Variants in NFYA observed in about 807,000 individuals in gnomAD.
NFYA encodes the protein nuclear transcription factor Y subunit alpha.
A neutral mutation model predicts 52.8 loss-of-function variants in NFYA; 28 were observed. The observed-to-expected ratio is 0.53, with a 90% CI of 0.39 to 0.73. NFYA has a LOEUF of 0.73. Among genes scored for constraint, NFYA ranks in the 30% least tolerant of loss-of-function variants. The pLI is 0.00. For synonymous variants in NFYA, 150 were observed against 150.7 expected, an observed-to-expected ratio of 1.00 and a Z score of 0.03; for missense variants, 234 against 427.0, an observed-to-expected ratio of 0.55 and a Z score of 3.98.
At chr6:41,091,458 C>T in intron 6 of NFYA, 70 bp from the exon 7 acceptor site, 3 of 1,478,808 alleles carry the variant, frequency 2.0e-6, no homozygotes, top group South Asian at 2.5e-5. Flanking sequence ...AGAAGAGGGA[C>T]TAACTATGTT....
At position 41,094,379 on chromosome 6, in the gene NFYA, T is replaced by G. The variant is rs748069441; in HGVS notation, c.889-17T>G. On this transcript the variant is annotated splice_polypyrimidine_tract_variant and intron_variant, in intron 8 of 9. Coordinates refer to ENST00000341376, the MANE Select transcript of NFYA (RefSeq NM_002505.5). ...TGGATAGTATTAATAGTTAAATGGT[T>G]TTATTTCTCGTTTTAGAAATACCTG... 1 of 1,609,454 alleles carries G rather than the reference T, an allele frequency of 6.2e-7. No homozygotes were observed. The highest frequency in any genetic ancestry group is 8.5e-7 in the Non-Finnish European group (1 of 1,175,784).
intron 4 of NFYA, among the ~76,000 whole-genome samples, chr6:41,088,988 A>G (rs531459130): frequency 6.6e-6 from 1 of 151,736 alleles, no homozygotes; most frequent in South Asian, 2.1e-4. Flanking sequence ...AGTGTATTTT[A>G]TTTTTTTATT....
chr6:41,085,423 A>G (rs1284612628), intron 4 of NFYA, among the ~76,000 whole-genome samples: 1 of 152,222 alleles, frequency 6.6e-6, no homozygotes. Flanking sequence ...GTGGGTTAAT[A>G]TTGAAATATT....
chr6:41,082,134 TC>T (rs775937021), intron 3 of NFYA, among the ~76,000 whole-genome samples: 10 of 152,364 alleles, frequency 6.6e-5, no homozygotes, highest in Non-Finnish European at 1.5e-4. Flanking sequence ...CTGCTAAGCA[TC>T]CAGCAGATAA....
chr6:41,100,250 A>C lies in NFYA; in HGVS notation c.*2840A>C, dbSNP rs1764462623. The stretch of plus-strand genomic sequence containing the variant: ...GTGTTTATCAAAATGTGATGAAGTA[A>C]TTCCATGAGGAAAATTAGCCGTTAT... On this transcript the variant is annotated 3_prime_UTR_variant, in exon 10 of 10. Coordinates refer to ENST00000341376, the MANE Select transcript of NFYA (RefSeq NM_002505.5). Among the ~76,000 whole-genome samples the C allele has an allele frequency of 6.6e-6, 1 of 152,226 alleles. No homozygotes were observed. The highest frequency in any genetic ancestry group is 6.5e-5 in the Admixed American group (1 of 15,284).
intron 1 of NFYA, among the ~76,000 whole-genome samples, chr6:41,077,825 A>G (rs1763782856): frequency 6.6e-6 from 1 of 152,208 alleles, no homozygotes; most frequent in Non-Finnish European, 1.5e-5. Flanking sequence ...GCTTTGGAGA[A>G]CCATATGGCC....
At position 41,092,980 on chromosome 6, in the gene NFYA, A is replaced by G. The variant is rs768572965; in HGVS notation, c.783A>G (p.Glu261=). ...CTCTACCTGGAGCAGAGATGCTTGA[A>G]GAAGAGCCTCTCTACGTGAATGCCA... The part of the protein sequence containing the change: ...RIPLPGAEML[E]EEPLYVNAKQ... The change falls in exon 8 of 10, where the codon GAA becomes GAG. Residue 261 remains glutamate, a synonymous_variant. Coordinates refer to ENST00000341376, the MANE Select transcript of NFYA (RefSeq NM_002505.5). 3.1e-6 allele frequency: 5 copies of G among 1,614,130 alleles called. No homozygotes were observed. The South Asian group carries it at 5.5e-5, about 18-fold the overall frequency.
In NFYA at chr6:41,100,026, T is replaced by C. The variant is rs1436120296; in HGVS notation, c.*2616T>C. On this transcript the variant is annotated 3_prime_UTR_variant, in exon 10 of 10. Transcript: ENST00000341376. ...CAACTCCTGGGTTCTAGTTTGTGTT[T>C]CCAGTGTTGAAATTTTGATCTCCCC... The C allele has an allele frequency of 6.6e-6, 1 of 152,166 alleles. No homozygotes were observed. Among genetic ancestry groups the C allele is most frequent in the Non-Finnish European group, 1.5e-5 (1 of 68,020 alleles). 9.4% of individuals were successfully genotyped at this position (152,166 alleles called of 1,614,324 possible).
At chr6:41,091,020 G>C (rs1764185460) in intron 6 of NFYA, among the ~76,000 whole-genome samples, 1 of 152,230 alleles carries the variant, frequency 6.6e-6, no homozygotes, top group Non-Finnish European at 1.5e-5. Context: ...CCCTGAACTG[G>C]ATTGAGCCCA....
chr6:41,077,148 T>C (rs1763756721), intron 1 of NFYA, among the ~76,000 whole-genome samples: 1 of 152,188 alleles, frequency 6.6e-6, no homozygotes, highest in Non-Finnish European at 1.5e-5. Flanking sequence ...AAATCTCATA[T>C]AAGAAGGAAA....
rs1383521236 is a variant in NFYA at position 41,101,051 on chromosome 6, G to T, written c.*3641G>T. On this transcript the variant is annotated 3_prime_UTR_variant, in exon 10 of 10. Coordinates refer to ENST00000341376, the MANE Select transcript of NFYA (RefSeq NM_002505.5). ...TGACCGGCGAGCGGCATGCGACGCC[G>T]CCTCTGTGGCCTGTGGAGGCCCGCT... The T allele has an allele frequency of 6.6e-6, 1 of 152,258 alleles. No individual in the cohort carries two copies. Among genetic ancestry groups the T allele is most frequent in the Non-Finnish European group, 1.5e-5 (1 of 68,054 alleles). 9.4% of individuals were successfully genotyped at this position (152,258 alleles called of 1,614,324 possible). A position where few individuals can be genotyped will look rare whatever the true frequency, so the allele number is the denominator to read the frequency against.
At chr6:41,083,061 A>T (rs1422158202) in intron 3 of NFYA, among the ~76,000 whole-genome samples, 1 of 152,354 alleles carries the variant, frequency 6.6e-6, no homozygotes, top group Non-Finnish European at 1.5e-5. Context: ...TCAGTCATGA[A>T]TATTCTGTTC....
intron 1 of NFYA, among the ~76,000 whole-genome samples, chr6:41,077,594 A>G (rs1053560313): frequency 6.6e-6 from 1 of 152,256 alleles, no homozygotes; most frequent in Non-Finnish European, 1.5e-5. Flanking sequence ...TAGTGCCCCT[A>G]ACAGACTCAC....
Position 41,093,094 on chromosome 6 carries a change from A to G in NFYA, c.888+9A>G. On this transcript the variant is annotated intron_variant, in intron 8 of 9. Coordinates refer to ENST00000341376, the MANE Select transcript of NFYA (RefSeq NM_002505.5). ...TTCCAAAGGAGAGAAGGGTATGTATAACATTGGGAAGGATATAGGAAAGGA... is the reference window on the plus strand; with the variant it reads ...TTCCAAAGGAGAGAAGGGTATGTATGACATTGGGAAGGATATAGGAAAGGA... 1 of 1,612,486 alleles carries G rather than the reference A, an allele frequency of 6.2e-7. No homozygotes were observed. The highest frequency in any genetic ancestry group is 8.5e-7 in the Non-Finnish European group (1 of 1,178,962).
At chr6:41,073,787 C>T (rs925577262) in intron 1 of NFYA, among the ~76,000 whole-genome samples, 3 of 152,132 alleles carry the variant, frequency 2.0e-5, no homozygotes, top group Admixed American at 1.3e-4. Flanking sequence ...TCCGCCGCGC[C>T]CCTCCTCCCA....
chr6:41,101,852 G>T lies in NFYA; in HGVS notation c.*4442G>T, dbSNP rs1163498439. Among the ~76,000 whole-genome samples, 1 of 152,176 alleles carries T rather than the reference G, an allele frequency of 6.6e-6. No homozygotes were observed. Among genetic ancestry groups the T allele is most frequent in the South Asian group, 2.1e-4 (1 of 4,828 alleles). ...CCCAGTGGCAGCAGCAACCAACCTG[G>T]CCCTTAGTAGTTTCTAAGTTACACC... On this transcript the variant is annotated 3_prime_UTR_variant, in exon 10 of 10. Transcript: ENST00000341376.
At chr6:41,074,581 A>C (rs1763679666) in intron 1 of NFYA, among the ~76,000 whole-genome samples, 1 of 152,236 alleles carries the variant, frequency 6.6e-6, no homozygotes, top group Non-Finnish European at 1.5e-5. Flanking sequence ...CGAAGAGAAG[A>C]AAAGCATGTG....
In NFYA at chr6:41,089,681, C is replaced by CG. The variant is rs1278000743; in HGVS notation, c.412_413insG (p.Gln138ArgfsTer27). 6.2e-7 allele frequency: 1 copy of CG among 1,612,622 alleles called. No homozygotes were observed. The highest frequency in any genetic ancestry group is 1.3e-5 in the African/African-American group (1 of 74,888). On this transcript the variant is annotated frameshift_variant, in exon 5 of 10. Coordinates refer to ENST00000341376, the MANE Select transcript of NFYA (RefSeq NM_002505.5). LOFTEE classifies it high-confidence loss of function. ...CCAGCAGATCATCATCCAGCAGCCC[C>CG]AGACGGCTGTCACTGCTGGCCAGAC...
In NFYA at chr6:41,093,968, C is replaced by A. The variant is rs531260368; in HGVS notation, c.889-428C>A. Among the ~76,000 whole-genome samples, 3 of 152,314 alleles carry A rather than the reference C, an allele frequency of 2.0e-5. No homozygotes were observed. In the South Asian group the frequency reaches 6.2e-4, roughly 32 times the overall value. ...CGAGGAATTCAAGGCTGCAGTGATT[C>A]ATGATCATGCCACTGCAGTCCAACA... On this transcript the variant is annotated intron_variant, in intron 8 of 9. Coordinates refer to ENST00000341376, the MANE Select transcript of NFYA (RefSeq NM_002505.5).
Sources: gnomAD v4.1 joint callset for allele counts (sites outside exome capture counted in the v4.1 genomes callset) on GRCh38, gnomAD v4.1.1 for gene constraint, MANE v1.5 for transcripts, NCBI Gene and HGNC (gene_info 2026-07-23, HGNC 2026-07-21) for gene names.